CNTNAP5: variants seen among roughly 807,000 people sequenced by gnomAD.
CNTNAP5 encodes the protein contactin associated protein family member 5, also known as contactin-associated protein-like 5.
Under a neutral mutation model 150.2 loss-of-function variants are expected in CNTNAP5, and 72 were observed. That is an observed-to-expected ratio of 0.48 (90% CI 0.40 to 0.58). The LOEUF (loss-of-function observed/expected upper bound fraction) is 0.58, where lower values mean the gene tolerates loss of function less well. CNTNAP5 is among the 20% of genes least tolerant of loss of function. The pLI, the probability that CNTNAP5 is intolerant of heterozygous loss-of-function variation, is 0.00. For missense variants in CNTNAP5, 1,636 were observed against 1,626.2 expected, an observed-to-expected ratio of 1.01 and a Z score of -0.10; for synonymous variants, 672 against 619.8, an observed-to-expected ratio of 1.08 and a Z score of -1.25.
intron 6 of CNTNAP5, among the ~76,000 whole-genome samples, chr2:124,466,582 G>A (rs912848490): frequency 6.6e-6 from 1 of 152,138 alleles, no homozygotes; most frequent in African/African-American, 2.4e-5. Flanking sequence ...CAAACAATTG[G>A]AATTAACTTT....
intron 4 of CNTNAP5, among the ~76,000 whole-genome samples, chr2:124,431,887 T>C (rs1265334163): frequency 6.6e-6 from 1 of 152,098 alleles, no homozygotes; most frequent in African/African-American, 2.4e-5. Flanking sequence ...TGGTGAGTAG[T>C]AGAGCTGCTC....
At chr2:124,756,937 A>C (rs1680851593) in intron 14 of CNTNAP5, among the ~76,000 whole-genome samples, 1 of 152,192 alleles carries the variant, frequency 6.6e-6, no homozygotes, top group Admixed American at 6.5e-5. Context: ...AGTTGGAAAT[A>C]AAAAGAAAAG....
At chr2:124,695,284 T>G (rs112041899) in intron 13 of CNTNAP5, among the ~76,000 whole-genome samples, 12 of 152,252 alleles carry the variant, frequency 7.9e-5, no homozygotes, top group African/African-American at 2.9e-4. Context: ...ATATAAACAA[T>G]CTCAAGATCA....
intron 2 of CNTNAP5, among the ~76,000 whole-genome samples, chr2:124,237,714 G>A (rs533726965): frequency 1.3e-5 from 2 of 152,178 alleles, no homozygotes; most frequent in South Asian, 4.1e-4. Flanking sequence ...GCACACGCCT[G>A]TAATCCCAGC....
At chr2:124,064,302 G>A (rs1332991340) in intron 1 of CNTNAP5, among the ~76,000 whole-genome samples, 5 of 152,098 alleles carry the variant, frequency 3.3e-5, no homozygotes, top group Non-Finnish European at 7.4e-5. Context: ...ATCTGATGGA[G>A]GTCACTCGCT....
intron 2 of CNTNAP5, among the ~76,000 whole-genome samples, chr2:124,237,707 C>T (rs1686783828): frequency 6.6e-6 from 1 of 152,004 alleles, no homozygotes; most frequent in African/African-American, 2.4e-5. Flanking sequence ...TGTGGTGGCA[C>T]ACGCCTGTAA....
At chr2:124,844,373 G>A (rs1683004207) in intron 19 of CNTNAP5, among the ~76,000 whole-genome samples, 1 of 151,962 alleles carries the variant, frequency 6.6e-6, no homozygotes, top group Non-Finnish European at 1.5e-5. Flanking sequence ...TAGTCTATGT[G>A]CCTATTTCTG....
intron 13 of CNTNAP5, among the ~76,000 whole-genome samples, chr2:124,670,146 T>TTCCTTCCTTCCC (rs1678784993): frequency 7.8e-6 from 1 of 128,654 alleles, no homozygotes; most frequent in African/African-American, 3.1e-5. Context: ...CCTTCCTTCC[T>TTCCTTCCTTCCC]TCCTTCCTTC....
chr2:124,344,445 C>G (rs981892728), intron 3 of CNTNAP5, among the ~76,000 whole-genome samples: 2 of 151,982 alleles, frequency 1.3e-5, no homozygotes, highest in Non-Finnish European at 2.9e-5. Flanking sequence ...GAGAAATAGG[C>G]CAAAAGAGAG....
chr2:124,424,260 C>A (rs1441695951), intron 4 of CNTNAP5, among the ~76,000 whole-genome samples: 1 of 152,130 alleles, frequency 6.6e-6, no homozygotes, highest in East Asian at 1.9e-4. Context: ...ATGGTAGAGG[C>A]CACACAGTTG....
At chr2:124,889,740 C>A (rs1437176311) in intron 21 of CNTNAP5, among the ~76,000 whole-genome samples, 1 of 152,032 alleles carries the variant, frequency 6.6e-6, no homozygotes, top group Non-Finnish European at 1.5e-5. Context: ...AAAATAGTAG[C>A]AAGTGCTTTT....
chr2:124,498,113 T>C (rs972415045), intron 7 of CNTNAP5, among the ~76,000 whole-genome samples: 8 of 152,208 alleles, frequency 5.3e-5, no homozygotes, highest in African/African-American at 1.7e-4. Flanking sequence ...ATGGGTTTTA[T>C]TGGATTTCCA....
chr2:124,905,791 C>A (rs1678523461), intron 22 of CNTNAP5, among the ~76,000 whole-genome samples: 1 of 152,080 alleles, frequency 6.6e-6, no homozygotes, highest in South Asian at 2.1e-4. Context: ...ACCAGGTAGG[C>A]AAGCTTGAGC....
chr2:124,854,413 T>C (rs1161881850), intron 19 of CNTNAP5, among the ~76,000 whole-genome samples: 1 of 152,222 alleles, frequency 6.6e-6, no homozygotes, highest in African/African-American at 2.4e-5. Context: ...AATTCCATTT[T>C]TTAATCTGAG....
chr2:124,335,947 T>C (rs57739163), intron 3 of CNTNAP5, among the ~76,000 whole-genome samples: 58,336 of 151,780 alleles, frequency 0.38, 11,371 homozygotes, highest in African/African-American at 0.41. Flanking sequence ...CATACATATT[T>C]ATTTATGTGG....
Position 124,709,234 on chromosome 2 carries a change from T to C in CNTNAP5, c.2078-37995T>C, listed in dbSNP as rs202018670. 1.1e-4 allele frequency among the ~76,000 whole-genome samples: 14 copies of C among 132,744 alleles called. No individual in the cohort carries two copies. The South Asian group carries it at 1.4e-3, about 13-fold the overall frequency. The allele number at this position is 132,744 out of a possible 152,430, so 87.1% of individuals were successfully genotyped here. ...GAGGGAGGGTGTGTGTGTGTGTGCGTGTGTGTGTGTGTGTGTGTGTGTGTG... is the reference window on the plus strand; with the variant it reads ...GAGGGAGGGTGTGTGTGTGTGTGCGCGTGTGTGTGTGTGTGTGTGTGTGTG... On this transcript the variant is annotated intron_variant, in intron 13 of 23. Coordinates refer to ENST00000682447, the MANE Select transcript of CNTNAP5 (RefSeq NM_001367498.1).
At chr2:124,290,896 T>C (rs1688273111) in intron 3 of CNTNAP5, among the ~76,000 whole-genome samples, 1 of 151,280 alleles carries the variant, frequency 6.6e-6, no homozygotes. Flanking sequence ...ATTTATTTAT[T>C]TATTTATTTA....
chr2:124,835,357 G>C (rs1368342682), intron 19 of CNTNAP5, among the ~76,000 whole-genome samples: 11 of 151,948 alleles, frequency 7.2e-5, no homozygotes, highest in Non-Finnish European at 2.9e-5. Context: ...TAAATTCCTG[G>C]ACCTGAACGA....
At chr2:124,481,611 G>A (rs1693763417) in intron 7 of CNTNAP5, among the ~76,000 whole-genome samples, 1 of 151,998 alleles carries the variant, frequency 6.6e-6, no homozygotes, top group African/African-American at 2.4e-5. Flanking sequence ...CACTTTAAAT[G>A]TATATTTATA....
Sources: gnomAD v4.1 joint callset for allele counts (sites outside exome capture counted in the v4.1 genomes callset) on GRCh38, gnomAD v4.1.1 for gene constraint, MANE v1.5 for transcripts, NCBI Gene and HGNC (gene_info 2026-07-23, HGNC 2026-07-21) for gene names.